The following MGAM2 variants were observed in gnomAD, a reference collection of about 807,000 sequenced individuals.
MGAM2 encodes the protein probable maltase-glucoamylase 2.
Under a neutral mutation model 96.1 loss-of-function variants are expected in MGAM2, and 98 were observed. The ratio of observed to expected loss-of-function variants is 1.02; its 90% CI spans 0.87 to 1.21. The LOEUF is 1.21. MGAM2 is among the 50% of genes most tolerant of loss of function. The pLI is 0.00. For synonymous variants in MGAM2, 749 were observed against 414.8 expected (o/e 1.81, Z -9.79); for missense variants, 2,055 against 1,182.4 (o/e 1.74, Z -10.82).
Position 142,158,322 on chromosome 7 carries a change from T to C in MGAM2, c.2153T>C (p.Val718Ala), listed in dbSNP as rs1795796685. ...LWGPGLLITP[V>A]LYEGVDEVKA... ...GGACCTGGACTCCTCATCACGCCTG[T>C]TTTATATGAAGTATGTTTATCATCT... The change falls in exon 19 of 48, where the codon GTT (valine) becomes GCT (alanine). Residue 718 changes from valine to alanine, a missense_variant. Transcript: ENST00000477922. 1 of 702,886 alleles carries C rather than the reference T, an allele frequency of 1.4e-6. No individual in the cohort carries two copies. The highest frequency in any genetic ancestry group is 1.7e-5 in the African/African-American group (1 of 57,248). The allele number at this position is 702,886 out of a possible 1,614,324, so 43.5% of individuals were successfully genotyped here. A position where few individuals can be genotyped will look rare whatever the true frequency, so the allele number is the denominator to read the frequency against.
At chr7:142,195,345 C>CTTTTTTTTT (rs1013124747) in intron 37 of MGAM2, among the ~76,000 whole-genome samples, 3 of 70,040 alleles carry the variant, frequency 4.3e-5, no homozygotes, top group Admixed American at 1.6e-4. Flanking sequence ...CCTTTTTACT[C>CTTTTTTTTT]TTTTTTTTTT....
chr7:142,139,659 CA>C (rs765007343), intron 10 of MGAM2, among the ~76,000 whole-genome samples: 1,077 of 54,566 alleles, frequency 0.02, 4 homozygotes, highest in African/African-American at 0.055. Flanking sequence ...GGCTCTATCT[CA>C]AAAAAAAAAA....
intron 1 of MGAM2, among the ~76,000 whole-genome samples, chr7:142,114,356 C>T (rs972711125): frequency 3.9e-5 from 6 of 151,916 alleles, no homozygotes; most frequent in Non-Finnish European, 8.8e-5. Flanking sequence ...ATTAAGACAG[C>T]GCCCATTGTA....
chr7:142,217,267 C>T (rs1797792342), intron 46 of MGAM2, among the ~76,000 whole-genome samples: 1 of 152,170 alleles, frequency 6.6e-6, no homozygotes. Context: ...TGCACACTGT[C>T]CTCAGTCTAG....
intron 3 of MGAM2, among the ~76,000 whole-genome samples, chr7:142,128,372 C>T (rs1380520988): frequency 6.6e-6 from 1 of 152,148 alleles, no homozygotes; most frequent in Non-Finnish European, 1.5e-5. Context: ...AACCCATTTT[C>T]TGAGGAGAAA....
chr7:142,169,943 G>A (rs574920105), intron 26 of MGAM2, 132 bp from the exon 27 acceptor site: 29 of 539,244 alleles, frequency 5.4e-5, no homozygotes, highest in Non-Finnish European at 8.5e-5. Flanking sequence ...ACATCCATTC[G>A]CTTGGGGATG....
intron 34 of MGAM2, among the ~76,000 whole-genome samples, 186 bp from the exon 35 acceptor site, chr7:142,185,803 T>C (rs900468359): frequency 3.9e-5 from 6 of 152,236 alleles, no homozygotes; most frequent in Non-Finnish European, 8.8e-5. Flanking sequence ...AACCTTCTTC[T>C]AAGAAAATAA....
At chr7:142,114,198 G>GAA (rs1181425773) in intron 1 of MGAM2, among the ~76,000 whole-genome samples, 1 of 138,624 alleles carries the variant, frequency 7.2e-6, no homozygotes, top group Non-Finnish European at 1.5e-5. Context: ...AAGAAAGAAA[G>GAA]AAAGAAAGAA....
chr7:142,200,431 T>C (rs1797184422), intron 45 of MGAM2, among the ~76,000 whole-genome samples: 1 of 152,236 alleles, frequency 6.6e-6, no homozygotes, highest in African/African-American at 2.4e-5. Flanking sequence ...AATTAAGTGT[T>C]GCCCAAAGGA....
rs902360808 is a variant in MGAM2 at position 142,218,524 on chromosome 7, A to T, written c.5351A>T (p.Tyr1784Phe). Residue 1784 changes from tyrosine to phenylalanine, a missense_variant, in exon 47 of 48, where the codon TAT (tyrosine) becomes TTT (phenylalanine). Transcript: ENST00000477922. ...FMETNFKSEP[Y>F]NQILTIQLTD... Reference sequence around the variant, plus strand: ...GAGACAAATTTCAAGAGTGAACCTTATAATCAGGTAGGTCTGAAAGGAATA... The same window carrying T: ...GAGACAAATTTCAAGAGTGAACCTTTTAATCAGGTAGGTCTGAAAGGAATA... The T allele has an allele frequency of 1.7e-5, 12 of 696,204 alleles. No homozygotes were observed. The highest frequency in any genetic ancestry group is 3.1e-5 in the Non-Finnish European group (12 of 382,230). 43.1% of individuals were successfully genotyped at this position (696,204 alleles called of 1,614,324 possible).
intron 35 of MGAM2, among the ~76,000 whole-genome samples, chr7:142,186,808 C>T (rs1320613227): frequency 1.3e-5 from 2 of 152,224 alleles, no homozygotes; most frequent in African/African-American, 4.8e-5. Context: ...ACTGAAAACA[C>T]AGGGGCCTCC....
At chr7:142,195,190 C>T (rs1468459446) in intron 37 of MGAM2, among the ~76,000 whole-genome samples, 1 of 151,934 alleles carries the variant, frequency 6.6e-6, no homozygotes, top group African/African-American at 2.4e-5. Flanking sequence ...CGTGCACCAC[C>T]CTGCCCAGCT....
At chr7:142,200,193 T>A (rs1020823984) in intron 45 of MGAM2, among the ~76,000 whole-genome samples, 6 of 152,326 alleles carry the variant, frequency 3.9e-5, no homozygotes, top group Non-Finnish European at 8.8e-5. Context: ...CTTGCTGTTA[T>A]GCATTCAGCC....
intron 34 of MGAM2, among the ~76,000 whole-genome samples, chr7:142,185,707 T>C (rs1796672864): frequency 1.3e-5 from 2 of 152,216 alleles, no homozygotes; most frequent in South Asian, 4.1e-4. Flanking sequence ...GTTCAATTGT[T>C]CAGACACTGT....
At chr7:142,144,008 A>G (rs1262492861) in intron 13 of MGAM2, 126 bp downstream of exon 13, 4 of 572,952 alleles carry the variant, frequency 7.0e-6, no homozygotes, top group African/African-American at 3.7e-5. Context: ...GTAGTATTCA[A>G]AATTATTTTA....
At chr7:142,133,147 A>C (rs1373708213) in intron 6 of MGAM2, among the ~76,000 whole-genome samples, 1 of 139,226 alleles carries the variant, frequency 7.2e-6, no homozygotes, top group African/African-American at 2.6e-5. Context: ...ATAAATGTTA[A>C]TTTATATTTA....
intron 46 of MGAM2, among the ~76,000 whole-genome samples, chr7:142,215,808 T>C (rs1178277432): frequency 6.6e-6 from 1 of 151,908 alleles, no homozygotes; most frequent in Non-Finnish European, 1.5e-5. Context: ...TGAAAAATGT[T>C]GTAATAATAA....
rs192183250 is a variant in MGAM2, at chr7:142,114,196, A to G, written c.-1+2389A>G. Reference sequence around the variant, plus strand: ...AAAGAAAGAAAGAAAGAAAGAAAGAAAGAAAGAAAGAAAGAAAGAGAGAAA... The same window carrying G: ...AAAGAAAGAAAGAAAGAAAGAAAGAGAGAAAGAAAGAAAGAAAGAGAGAAA... On this transcript the variant is annotated intron_variant, in intron 1 of 47. Transcript: ENST00000477922. Among the ~76,000 whole-genome samples the G allele has an allele frequency of 1.5e-3, 202 of 134,564 alleles. 6 individuals carry two copies. The highest frequency in any genetic ancestry group is 1.7e-3 in the African/African-American group (52 of 29,732). The allele number at this position is 134,564 out of a possible 152,430, so 88.3% of individuals were successfully genotyped here.
At chr7:142,174,713 C>CCATTTTTTTTTTTT (rs1796308865) in intron 31 of MGAM2, among the ~76,000 whole-genome samples, 1 of 78,262 alleles carries the variant, frequency 1.3e-5, no homozygotes, top group Non-Finnish European at 2.3e-5. Flanking sequence ...CTCTCTCTCT[C>CCATTTTTTTTTTTT]TCTTTTTTTT....
Sources: allele counts gnomAD v4.1 joint callset (sites outside exome capture counted in the v4.1 genomes callset), GRCh38; gene constraint gnomAD v4.1.1; transcripts MANE v1.5; gene names NCBI Gene and HGNC (gene_info 2026-07-23, HGNC 2026-07-21).